Variants in NVL observed in about 807,000 individuals in gnomAD.
NVL encodes the protein nuclear valosin-containing protein-like.
Under a neutral mutation model 110.2 loss-of-function variants are expected in NVL, and 84 were observed. The ratio of observed to expected loss-of-function variants is 0.76; its 90% CI spans 0.64 to 0.91. The LOEUF (loss-of-function observed/expected upper bound fraction) is 0.91, where lower values mean the gene tolerates loss of function less well. NVL is among the 40% of genes least tolerant of loss of function. The probability of loss-of-function intolerance (pLI) is 0.00; values close to 1 mark genes in which losing one functional copy is unlikely to be tolerated. For synonymous variants in NVL, 354 were observed against 361.1 expected, an observed-to-expected ratio of 0.98 and a Z score of 0.22; for missense variants, 882 against 1,035.9, an observed-to-expected ratio of 0.85 and a Z score of 2.04.
intron 21 of NVL, 144 bp from the exon 22 acceptor site, chr1:224,231,440 C>G: frequency 1.6e-6 from 1 of 632,206 alleles, no homozygotes; most frequent in Non-Finnish European, 2.8e-6. Flanking sequence ...TTTTTCAGAA[C>G]AGTATTCTAG....
chr1:224,257,573 G>A (rs1663432121), intron 18 of NVL, among the ~76,000 whole-genome samples: 1 of 152,056 alleles, frequency 6.6e-6, no homozygotes, highest in Non-Finnish European at 1.5e-5. Context: ...CTGTAGCGCA[G>A]GCTGGAGTGC....
intron 9 of NVL, among the ~76,000 whole-genome samples, chr1:224,302,615 T>C (rs1371213659): frequency 2.0e-5 from 3 of 152,274 alleles, no homozygotes; most frequent in Non-Finnish European, 4.4e-5. Context: ...TTTCTCAAAG[T>C]AAGTGTCTAT....
chr1:224,318,075 TAA>T (rs1207226498), intron 2 of NVL, 145 bp from the exon 3 acceptor site: 1 of 522,984 alleles, frequency 1.9e-6, no homozygotes, highest in African/African-American at 2.0e-5. Flanking sequence ...TTCAAACTTC[TAA>T]GTTTATATAT....
chr1:224,264,122 T>C (rs1365381960), intron 18 of NVL, among the ~76,000 whole-genome samples: 1 of 152,158 alleles, frequency 6.6e-6, no homozygotes, highest in Admixed American at 6.6e-5. Flanking sequence ...AAGAGGCCAC[T>C]GTGGAAATGG....
Position 224,285,648 on chromosome 1 carries a change from G to A in NVL, c.1899+378C>T, listed in dbSNP as rs928107379. ...TTTCTATTATGAAAAAACAATTTTA[G>A]AAAATAATTACAAGAAATATAGAGG... On this transcript the variant is annotated intron_variant, in intron 15 of 22. Coordinates refer to ENST00000281701, the MANE Select transcript of NVL (RefSeq NM_002533.4). Among the ~76,000 whole-genome samples the A allele has an allele frequency of 3.3e-5, 5 of 151,724 alleles. No individual in the cohort carries two copies. The South Asian group carries it at 8.3e-4, about 25-fold the overall frequency.
At chr1:224,311,419 T>G (rs1030406606) in intron 5 of NVL, among the ~76,000 whole-genome samples, 1 of 151,260 alleles carries the variant, frequency 6.6e-6, no homozygotes, top group Non-Finnish European at 1.5e-5. Flanking sequence ...AGTGCAGTGG[T>G]GCAATCACGG....
At chr1:224,229,066 G>A (rs1312878103) in intron 22 of NVL, among the ~76,000 whole-genome samples, 5 of 151,774 alleles carry the variant, frequency 3.3e-5, no homozygotes, top group African/African-American at 1.2e-4. Flanking sequence ...AGGCTGAGGC[G>A]GGCCAATCAC....
chr1:224,302,520 C>G (rs1272453764), intron 9 of NVL, among the ~76,000 whole-genome samples: 2 of 151,916 alleles, frequency 1.3e-5, no homozygotes, highest in Non-Finnish European at 2.9e-5. Context: ...TTTTTCTAAT[C>G]GAAGTTACTC....
intron 9 of NVL, chr1:224,302,930 T>C: frequency 3.1e-6 from 1 of 319,608 alleles, no homozygotes; most frequent in Non-Finnish European, 6.1e-6. Flanking sequence ...GTGTCTGTGT[T>C]TCCAGTTACT....
chr1:224,273,052 C>A (rs10916579), intron 17 of NVL, among the ~76,000 whole-genome samples: 137,908 of 141,208 alleles, frequency 0.98, 67,475 homozygotes, highest in Non-Finnish European at 1. Context: ...ACAAAAAAAA[C>A]AAACAAACAA....
chr1:224,255,512 T>A (rs1464699256), intron 18 of NVL, among the ~76,000 whole-genome samples: 1 of 152,188 alleles, frequency 6.6e-6, no homozygotes, highest in Non-Finnish European at 1.5e-5. Flanking sequence ...TAGTTTTTAA[T>A]CCTTTATCAG....
rs755648190 is a variant in NVL at position 224,268,016 on chromosome 1, A to G, written c.2182+18T>C. On this transcript the variant is annotated intron_variant, in intron 18 of 22. Transcript: ENST00000281701. ...AAGTTTTTAGATTCATCTGTGTTAC[A>G]ATATTTTTATTTCTTACCTGGCCTG... 1 of 1,558,140 alleles carries G rather than the reference A, an allele frequency of 6.4e-7. No homozygotes were observed. Among genetic ancestry groups the G allele is most frequent in the Admixed American group, 1.7e-5 (1 of 58,870 alleles).
chr1:224,274,430 A>G (rs1337430270), intron 17 of NVL, among the ~76,000 whole-genome samples: 2 of 151,724 alleles, frequency 1.3e-5, no homozygotes, highest in African/African-American at 4.8e-5. Context: ...TGAGGTCAGG[A>G]GTTCAAGACC....
At chr1:224,309,726 A>G (rs1449034283) in intron 5 of NVL, among the ~76,000 whole-genome samples, 1 of 152,078 alleles carries the variant, frequency 6.6e-6, no homozygotes, top group Non-Finnish European at 1.5e-5. Context: ...AAATAATACA[A>G]ATTTTAAGAA....
Position 224,240,783 on chromosome 1 carries a change from C to CTTTTT in NVL, c.2290-4206_2290-4202dup, listed in dbSNP as rs59138570. On this transcript the variant is annotated intron_variant, in intron 19 of 22. Coordinates refer to ENST00000281701, the MANE Select transcript of NVL (RefSeq NM_002533.4). ...ACTTGAAAGAAAGTAACAAACTGTC[C>CTTTTT]TTTTTTTTTTTTTTTTTTTTTTTTT... is the stretch of plus-strand genomic sequence containing the variant. 4.4e-4 allele frequency among the ~76,000 whole-genome samples: 36 copies of CTTTTT among 82,674 alleles called. 1 individual carries two copies. Among genetic ancestry groups the CTTTTT allele is most frequent in the Non-Finnish European group, 5.1e-4 (23 of 45,238 alleles). 54.2% of individuals were successfully genotyped at this position (82,674 alleles called of 152,430 possible).
intron 17 of NVL, among the ~76,000 whole-genome samples, chr1:224,274,552 G>A (rs769245471): frequency 1.8e-4 from 27 of 151,776 alleles, no homozygotes; most frequent in African/African-American, 6.3e-4. Context: ...GAGGAGAATC[G>A]CTTGAACCCA....
At chr1:224,295,683 A>T (rs896980634) in intron 11 of NVL, among the ~76,000 whole-genome samples, 4 of 142,874 alleles carry the variant, frequency 2.8e-5, no homozygotes, top group South Asian at 2.2e-4. Flanking sequence ...GACCGTCTTT[A>T]AAAAAAAAAA....
At chr1:224,313,898 G>A (rs540033392) in intron 4 of NVL, among the ~76,000 whole-genome samples, 1 of 152,264 alleles carries the variant, frequency 6.6e-6, no homozygotes, top group South Asian at 2.1e-4. Flanking sequence ...AACTACTCGG[G>A]AGGCTGAGGC....
At chr1:224,275,529 C>CAGTTTTATGTGACATAAACT in intron 16 of NVL, 71 bp from the exon 17 acceptor site, 1 of 1,587,132 alleles carries the variant, frequency 6.3e-7, no homozygotes, top group Non-Finnish European at 8.6e-7. Context: ...TGATACTAAA[C>CAGTTTTATGTGACATAAACT]AGTTTTATGT....
Sources: gnomAD v4.1 joint callset for allele counts (sites outside exome capture counted in the v4.1 genomes callset) on GRCh38, gnomAD v4.1.1 for gene constraint, MANE v1.5 for transcripts, NCBI Gene and HGNC (gene_info 2026-07-23, HGNC 2026-07-21) for gene names.